Variants in GRIN2A observed in about 807,000 individuals in gnomAD.
GRIN2A encodes glutamate receptor ionotropic, NMDA 2A.
In GRIN2A, 22 loss-of-function variants were observed where a neutral mutation model predicts 113.4. The ratio of observed to expected loss-of-function variants is 0.19; its 90% CI spans 0.14 to 0.28. The LOEUF (loss-of-function observed/expected upper bound fraction) is 0.28, where lower values mean the gene tolerates loss of function less well. Ranked by LOEUF, GRIN2A falls within the 10% of genes least tolerant of loss-of-function variation. GRIN2A has a pLI of 1.00. For synonymous variants in GRIN2A, 827 were observed against 738.4 expected, an observed-to-expected ratio of 1.12 and a Z score of -1.94; for missense variants, 1,502 against 1,887.0, an observed-to-expected ratio of 0.80 and a Z score of 3.78.
chr16:10,170,971 G>C (rs1419167140), intron 2 of GRIN2A, among the ~76,000 whole-genome samples: 1 of 152,084 alleles, frequency 6.6e-6, no homozygotes, highest in Non-Finnish European at 1.5e-5. Flanking sequence ...GTGCGGTATG[G>C]GGGGAACCTC....
At chr16:9,900,050 C>T (rs141968033) in intron 3 of GRIN2A, among the ~76,000 whole-genome samples, 6 of 152,314 alleles carry the variant, frequency 3.9e-5, no homozygotes, top group African/African-American at 1.2e-4. Context: ...ATGAGATACA[C>T]AACGTGATAA....
At chr16:10,163,361 T>C (rs1293989298) in intron 2 of GRIN2A, among the ~76,000 whole-genome samples, 4 of 152,214 alleles carry the variant, frequency 2.6e-5, no homozygotes, top group Non-Finnish European at 5.9e-5. Context: ...ATCTTCAAAA[T>C]GCTCTCAGCC....
At position 9,938,300 on chromosome 16, in the gene GRIN2A, G is replaced by A. The variant is rs143594020; in HGVS notation, c.666C>T (p.Ile222=). 89 of 1,612,854 alleles carry A rather than the reference G, an allele frequency of 5.5e-5. No homozygotes were observed. The African/African-American group carries it at 1.1e-3, about 20-fold the overall frequency. The change falls in exon 3 of 13, where the codon ATC becomes ATT. Residue 222 remains isoleucine (I), a synonymous_variant. Transcript: ENST00000330684. ...DAKTQVQLKK[I]HSSVILLYCS... ...AGTAGAGCAAGATGACAGAAGAGTG[G>A]ATCTTCTTCAGCTGGACTTGTGTCT...
chr16:9,955,062 T>A (rs1278846084), intron 2 of GRIN2A, among the ~76,000 whole-genome samples: 1 of 152,174 alleles, frequency 6.6e-6, no homozygotes, highest in East Asian at 1.9e-4. Flanking sequence ...CCATGGGCAG[T>A]CAATAAATCC....
rs987471891 is a variant in GRIN2A, at chr16:10,126,104, A to G, written c.414+53894T>C. 3.9e-5 allele frequency among the ~76,000 whole-genome samples: 6 copies of G among 152,232 alleles called. No individual in the cohort carries two copies. In the East Asian group the frequency reaches 1.2e-3, roughly 29 times the overall value. ...TTTCATTTTGCTTTTCTTAATTATAAGAATAATGCAAAGTCCCATCAACAA... is the reference window on the plus strand; with the variant it reads ...TTTCATTTTGCTTTTCTTAATTATAGGAATAATGCAAAGTCCCATCAACAA... On this transcript the variant is annotated intron_variant, in intron 2 of 12. Transcript: ENST00000330684.
intron 10 of GRIN2A, among the ~76,000 whole-genome samples, chr16:9,805,867 C>T (rs2041956674): frequency 6.6e-6 from 1 of 152,136 alleles, no homozygotes; most frequent in African/African-American, 2.4e-5. Flanking sequence ...TGAGGCATGA[C>T]AAGCTTTGAA....
At chr16:9,939,167 T>C (rs2044793496) in intron 2 of GRIN2A, among the ~76,000 whole-genome samples, 2 of 152,176 alleles carry the variant, frequency 1.3e-5, no homozygotes, top group Non-Finnish European at 2.9e-5. Flanking sequence ...CCTTATTAAG[T>C]GTTCTTAATA....
chr16:10,124,170 C>T (rs182259789), intron 2 of GRIN2A, among the ~76,000 whole-genome samples: 15 of 152,210 alleles, frequency 9.9e-5, no homozygotes, highest in Admixed American at 8.5e-4. Context: ...TGAGAAGGGC[C>T]GTGTGCGTGC....
At chr16:9,783,927 CAT>C (rs1902068864) in intron 11 of GRIN2A, among the ~76,000 whole-genome samples, 1 of 152,058 alleles carries the variant, frequency 6.6e-6, no homozygotes, top group Non-Finnish European at 1.5e-5. Context: ...GATGAGAACA[CAT>C]AGACATATAG....
At chr16:10,101,803 C>T (rs1377359001) in intron 2 of GRIN2A, among the ~76,000 whole-genome samples, 1 of 152,166 alleles carries the variant, frequency 6.6e-6, no homozygotes, top group Non-Finnish European at 1.5e-5. Flanking sequence ...AGATCTTCCG[C>T]TGGAGAGATA....
intron 11 of GRIN2A, among the ~76,000 whole-genome samples, chr16:9,782,616 CT>C (rs1360217944): frequency 8.5e-5 from 13 of 152,194 alleles, no homozygotes; most frequent in Admixed American, 5.9e-4. Flanking sequence ...TTGACTTTCT[CT>C]GGTTTGAGCA....
At chr16:10,101,102 C>A (rs745919807) in intron 2 of GRIN2A, among the ~76,000 whole-genome samples, 2 of 152,196 alleles carry the variant, frequency 1.3e-5, no homozygotes, top group Non-Finnish European at 2.9e-5. Context: ...GGACATGGGG[C>A]CCGGCAACTT....
intron 2 of GRIN2A, among the ~76,000 whole-genome samples, chr16:9,983,532 C>G (rs1450620181): frequency 6.6e-6 from 1 of 151,276 alleles, no homozygotes; most frequent in African/African-American, 2.4e-5. Context: ...CTTCGCCTCC[C>G]GGGTTCACAC....
intron 2 of GRIN2A, among the ~76,000 whole-genome samples, chr16:10,085,001 T>C (rs1345508324): frequency 1.3e-5 from 2 of 152,192 alleles, no homozygotes; most frequent in South Asian, 4.1e-4. Context: ...CTTATGTATA[T>C]TAACTCATAT....
chr16:9,998,550 T>C (rs1596402787), intron 2 of GRIN2A, among the ~76,000 whole-genome samples: 2 of 152,214 alleles, frequency 1.3e-5, no homozygotes. Context: ...GTAAACTCTA[T>C]GTTATGGGCA....
At chr16:9,963,704 A>G (rs966698322) in intron 2 of GRIN2A, among the ~76,000 whole-genome samples, 1 of 152,238 alleles carries the variant, frequency 6.6e-6, no homozygotes, top group Non-Finnish European at 1.5e-5. Flanking sequence ...GATAATTACT[A>G]CAGGTTTATT....
At chr16:10,001,799 A>T (rs960878029) in intron 2 of GRIN2A, among the ~76,000 whole-genome samples, 2 of 152,218 alleles carry the variant, frequency 1.3e-5, no homozygotes, top group Non-Finnish European at 2.9e-5. Context: ...ACGGGAAATT[A>T]TGGCAGTTAC....
intron 2 of GRIN2A, among the ~76,000 whole-genome samples, chr16:9,975,518 A>T (rs1192848188): frequency 2.0e-5 from 3 of 152,230 alleles, no homozygotes; most frequent in Admixed American, 2.0e-4. Context: ...TGCCATCCAC[A>T]GACTGCAAAT....
At chr16:9,811,061 A>G (rs2042077727) in intron 10 of GRIN2A, among the ~76,000 whole-genome samples, 1 of 152,156 alleles carries the variant, frequency 6.6e-6, no homozygotes, top group African/African-American at 2.4e-5. Flanking sequence ...CATTAACACC[A>G]TGACCTTTTT....
Sources: allele counts gnomAD v4.1 joint callset (sites outside exome capture counted in the v4.1 genomes callset), GRCh38; gene constraint gnomAD v4.1.1; transcripts MANE v1.5; gene names NCBI Gene and HGNC (gene_info 2026-07-23, HGNC 2026-07-21).